The following RPE65 variants were observed in gnomAD, a reference collection of about 807,000 sequenced individuals.
RPE65 encodes the protein retinoid isomerohydrolase.
A neutral mutation model predicts 68.5 loss-of-function variants in RPE65; 58 were observed. The ratio of observed to expected loss-of-function variants is 0.85; its 90% confidence interval spans 0.69 to 1.05. The LOEUF is 1.05. Ranked by LOEUF, RPE65 falls within the 50% of genes least tolerant of loss-of-function variation. The pLI is 0.00. For synonymous variants in RPE65, 220 were observed against 222.2 expected, an observed-to-expected ratio of 0.99 and a Z score of 0.09; for missense variants, 643 against 629.9, an observed-to-expected ratio of 1.02 and a Z score of -0.22.
In RPE65 at chr1:68,446,690, G is replaced by T; in HGVS notation, c.245+20C>A. 6.2e-7 allele frequency: 1 copy of T among 1,613,988 alleles called. No homozygotes were observed. Among genetic ancestry groups the T allele is most frequent in the Non-Finnish European group, 8.5e-7 (1 of 1,179,974 alleles). Reference sequence around the variant, plus strand: ...AGGCCCTACTTTGAGGAGGAGGAGTGGCATGGAGTGCTGCTTTACCTTCTG... The same window carrying T: ...AGGCCCTACTTTGAGGAGGAGGAGTTGCATGGAGTGCTGCTTTACCTTCTG... On this transcript the variant is annotated intron_variant, in intron 3 of 13. Coordinates refer to ENST00000262340, the MANE Select transcript of RPE65 (RefSeq NM_000329.3).
rs756319324 is a variant in RPE65, at chr1:68,440,964, T to C, written c.532A>G (p.Thr178Ala). The C allele has an allele frequency of 6.2e-7, 1 of 1,614,012 alleles. No individual in the cohort carries two copies. The highest frequency in any genetic ancestry group is 1.1e-5 in the South Asian group (1 of 91,078). ...TCATTTTCAATGTGGGGGTGAGCAG[T>C]GGCCCCATTGACAGAGACATAGTTG... ...LCNYVSVNGA[T>A]AHPHIENDGT... Residue 178 changes from threonine to alanine, a missense_variant, in exon 6 of 14, where the codon ACT (threonine) becomes GCT (alanine). Transcript: ENST00000262340.
chr1:68,442,792 C>A (rs1446591345), intron 5 of RPE65, among the ~76,000 whole-genome samples: 2 of 152,166 alleles, frequency 1.3e-5, no homozygotes, highest in African/African-American at 4.8e-5. Flanking sequence ...TTGTTCTTCT[C>A]TAAAGGAGCT....
At chr1:68,438,551 C>G (rs1218841477) in intron 9 of RPE65, among the ~76,000 whole-genome samples, 1 of 152,140 alleles carries the variant, frequency 6.6e-6, no homozygotes. Context: ...TCTGTTCTGT[C>G]TTCCTGTCAC....
At chr1:68,447,524 A>G (rs572427897) in intron 2 of RPE65, among the ~76,000 whole-genome samples, 257 of 152,318 alleles carry the variant, frequency 1.7e-3, no homozygotes, top group Non-Finnish European at 3.0e-3. Flanking sequence ...TACCCAAGAT[A>G]GTCCTTAAGG....
rs922012781 is a variant in RPE65, at chr1:68,441,084, C to T, written c.496-84G>A. 4.7e-6 allele frequency: 7 copies of T among 1,479,092 alleles called. No homozygotes were observed. The African/African-American group carries it at 8.3e-5, about 18-fold the overall frequency. The allele number at this position is 1,479,092 out of a possible 1,614,324, so 91.6% of individuals were successfully genotyped here. On this transcript the variant is annotated intron_variant, in intron 5 of 13. Coordinates refer to ENST00000262340, the MANE Select transcript of RPE65 (RefSeq NM_000329.3). ...TCCCTAGGTCTGAGGTCATCACTAC[C>T]CCTTGAACTCTCATCCTAAGTGCAC...
At position 68,431,356 on chromosome 1, in the gene RPE65, T is replaced by G; in HGVS notation, c.1264A>C (p.Asn422His). ...PRQAFEFPQI[N>H]YQKYCGKPYT... is the part of the protein sequence containing the mutation. ...GGTTTCCCACAATACTTCTGGTAAT[T>G]GATTTGAGGAAACTCAAATGCTACG... Residue 422 changes from asparagine (N) to histidine (H), a missense_variant, in exon 12 of 14, where the codon AAT (asparagine) becomes CAT (histidine). By Grantham distance (68) the Asn-to-His change is moderately conservative (BLOSUM62 1). Coordinates refer to ENST00000262340, the MANE Select transcript of RPE65 (RefSeq NM_000329.3). 4 of 1,613,964 alleles carry G rather than the reference T, an allele frequency of 2.5e-6. No homozygotes were observed.
chr1:68,440,949 T>C lies in RPE65; in HGVS notation c.547A>G (p.Ile183Val), dbSNP rs1010958875. Reference protein sequence around the residue: ...SVNGATAHPHIENDGTVYNIG... With the variant: ...SVNGATAHPHVENDGTVYNIG... Reference sequence around the variant, plus strand: ...TTGTAAACGGTTCCATCATTTTCAATGTGGGGGTGAGCAGTGGCCCCATTG... The same window carrying C: ...TTGTAAACGGTTCCATCATTTTCAACGTGGGGGTGAGCAGTGGCCCCATTG... Residue 183 changes from isoleucine (I) to valine (V), a missense_variant, in exon 6 of 14, where the codon ATT (isoleucine) becomes GTT (valine). By Grantham distance (29) the Ile-to-Val change is conservative. Coordinates refer to ENST00000262340, the MANE Select transcript of RPE65 (RefSeq NM_000329.3). 19 of 1,613,916 alleles carry C rather than the reference T, an allele frequency of 1.2e-5. No individual in the cohort carries two copies. The Middle Eastern group carries it at 4.9e-4, about 42-fold the overall frequency.
chr1:68,444,617 A>G lies in RPE65; in HGVS notation c.409T>C (p.Tyr137His). ...EVTDNALVNVYPVGEDYYACT... is the reference protein window; with the variant it reads ...EVTDNALVNVHPVGEDYYACT... ...GCGTAGTAATCTTCCCCCACTGGGT[A>G]GACATTAACAAGGGCATTGTCAGTA... Residue 137 changes from tyrosine to histidine, a missense_variant, in exon 5 of 14, where the codon TAC becomes CAC. Tyr to His is a moderately conservative substitution (Grantham distance 83). Coordinates refer to ENST00000262340, the MANE Select transcript of RPE65 (RefSeq NM_000329.3). The G allele has an allele frequency of 6.2e-7, 1 of 1,614,196 alleles. No individual in the cohort carries two copies. Among genetic ancestry groups the G allele is most frequent in the East Asian group, 2.2e-5 (1 of 44,884 alleles).
At position 68,438,259 on chromosome 1, in the gene RPE65, C is replaced by A. The variant is rs12145904; in HGVS notation, c.1056G>T (p.Glu352Asp). The A allele has an allele frequency of 6.2e-7, 1 of 1,613,530 alleles. No homozygotes were observed. Among genetic ancestry groups the A allele is most frequent in the Admixed American group, 1.7e-5 (1 of 59,978 alleles). The change falls in exon 10 of 14, where the codon GAG becomes GAT. Residue 352 changes from glutamate to aspartate, a missense_variant. Physicochemically the swap from Glu to Asp is conservative, Grantham distance 45 (BLOSUM62 2). Transcript: ENST00000262340. The stretch of plus-strand genomic sequence containing the variant: ...GAGCCTTTCTGGCATTTTTTTTCAC[C>A]TCTTCCCAGTTCTCACGTAAATTGG... ...YLANLRENWE[E>D]VKKNARKAPQ...
chr1:68,432,424 G>T (rs1321214490), intron 10 of RPE65, among the ~76,000 whole-genome samples: 3 of 152,102 alleles, frequency 2.0e-5, no homozygotes, highest in African/African-American at 7.2e-5. Flanking sequence ...GTTCGGGTAG[G>T]TCTCTTTGAA....
At chr1:68,431,826 T>G (rs1253925542) in intron 10 of RPE65, among the ~76,000 whole-genome samples, 1 of 151,876 alleles carries the variant, frequency 6.6e-6, no homozygotes, top group African/African-American at 2.4e-5. Flanking sequence ...AATTTTCTCT[T>G]CAGTAAAATG....
chr1:68,433,789 AG>A (rs1645842215), intron 10 of RPE65, among the ~76,000 whole-genome samples: 1 of 152,066 alleles, frequency 6.6e-6, no homozygotes, highest in Non-Finnish European at 1.5e-5. Flanking sequence ...GAATTTAACT[AG>A]GGTTGTGATT....
At chr1:68,432,087 C>T (rs1429636718) in intron 10 of RPE65, among the ~76,000 whole-genome samples, 2 of 147,550 alleles carry the variant, frequency 1.4e-5, no homozygotes, top group Non-Finnish European at 3.0e-5. Flanking sequence ...AAACGCTGGA[C>T]CATATGTTTC....
At position 68,444,620 on chromosome 1, in the gene RPE65, C is replaced by A. The variant is rs544763671; in HGVS notation, c.406G>T (p.Val136Phe). The A allele has an allele frequency of 6.2e-6, 10 of 1,614,046 alleles. No individual in the cohort carries two copies. The highest frequency in any genetic ancestry group is 6.8e-6 in the Non-Finnish European group (8 of 1,180,008). ...TAGTAATCTTCCCCCACTGGGTAGA[C>A]ATTAACAAGGGCATTGTCAGTAACC... ...VEVTDNALVN[V>F]YPVGEDYYAC... The change falls in exon 5 of 14, where the codon GTC becomes TTC. Residue 136 changes from valine to phenylalanine, a missense_variant. Physicochemically the swap from Val to Phe is conservative, Grantham distance 50. Coordinates refer to ENST00000262340, the MANE Select transcript of RPE65 (RefSeq NM_000329.3).
intron 10 of RPE65, among the ~76,000 whole-genome samples, chr1:68,434,772 T>C (rs1645849311): frequency 6.6e-6 from 1 of 152,056 alleles, no homozygotes. Context: ...TTCTGTTTTG[T>C]TTGTTTGTTT....
chr1:68,430,399 C>T (rs565968125), intron 13 of RPE65, among the ~76,000 whole-genome samples: 3 of 152,272 alleles, frequency 2.0e-5, no homozygotes, highest in East Asian at 1.9e-4. Flanking sequence ...TGACTTCCTT[C>T]GAACAAAATG....
intron 3 of RPE65, among the ~76,000 whole-genome samples, chr1:68,445,843 C>T (rs1307967690): frequency 6.6e-6 from 1 of 151,806 alleles, no homozygotes; most frequent in Non-Finnish European, 1.5e-5. Flanking sequence ...GAAAGAGTAC[C>T]CTGCTCTGTC....
At chr1:68,430,920 T>C in intron 13 of RPE65, 145 bp downstream of exon 13, 1 of 690,022 alleles carries the variant, frequency 1.4e-6, no homozygotes, top group Non-Finnish European at 2.5e-6. Context: ...TTCAAATAGT[T>C]TTAATTCTTC....
Position 68,429,730 on chromosome 1 carries a change from G to GT in RPE65, c.*45_*46insA. 1 of 1,611,610 alleles carries GT rather than the reference G, an allele frequency of 6.2e-7. No individual in the cohort carries two copies. Among genetic ancestry groups the GT allele is most frequent in the Non-Finnish European group, 8.5e-7 (1 of 1,178,450 alleles). On this transcript the variant is annotated 3_prime_UTR_variant, in exon 14 of 14. Transcript: ENST00000262340. ...AGAATTTGATTGCAGACCTGAAGCT[G>GT]ATTTTCTCAGTTTTGCTACCAAAAA...
Sources: gnomAD v4.1 joint callset for allele counts (sites outside exome capture counted in the v4.1 genomes callset) on GRCh38, gnomAD v4.1.1 for gene constraint, MANE v1.5 for transcripts, NCBI Gene and HGNC (gene_info 2026-07-23, HGNC 2026-07-21) for gene names.